Variants in DEGS1 observed in about 807,000 individuals in gnomAD.
DEGS1 encodes delta 4-desaturase, sphingolipid 1, also known as sphingolipid delta(4)-desaturase DES1.
In DEGS1, 17 loss-of-function variants were observed where a neutral mutation model predicts 24.1. The observed-to-expected ratio is 0.70, with a 90% CI of 0.48 to 1.06. DEGS1 has a LOEUF of 1.06. DEGS1 is among the 50% of genes least tolerant of loss of function. DEGS1 has a pLI of 0.00. For missense variants in DEGS1, 366 were observed against 408.9 expected, an observed-to-expected ratio of 0.90 and a Z score of 0.91; for synonymous variants, 134 against 140.0, an observed-to-expected ratio of 0.96 and a Z score of 0.30.
chr1:224,185,147 A>G (rs1407837675), intron 1 of DEGS1, among the ~76,000 whole-genome samples: 1 of 152,026 alleles, frequency 6.6e-6, no homozygotes, highest in African/African-American at 2.4e-5. Flanking sequence ...GCACACCACC[A>G]TGCCTGGTTG....
chr1:224,184,736 G>C (rs1296147931), intron 1 of DEGS1, among the ~76,000 whole-genome samples: 1 of 151,996 alleles, frequency 6.6e-6, no homozygotes, highest in Non-Finnish European at 1.5e-5. Context: ...GGCTTATCTC[G>C]AACTCCTGAC....
Position 224,192,612 on chromosome 1 carries a change from C to CA in DEGS1, c.*136dup. On this transcript the variant is annotated 3_prime_UTR_variant, in exon 3 of 3. Transcript: ENST00000323699. ...TTTCAGAGTAAGAGCTCGGTGATAC[C>CA]AAGAAGTGAATCTGGCTTTTAAACA... The CA allele has an allele frequency of 1.3e-6, 1 of 788,030 alleles. No individual in the cohort carries two copies. Among genetic ancestry groups the CA allele is most frequent in the Non-Finnish European group, 2.0e-6 (1 of 499,330 alleles). The allele number at this position is 788,030 out of a possible 1,614,324, so 48.8% of individuals were successfully genotyped here.
intron 1 of DEGS1, among the ~76,000 whole-genome samples, chr1:224,186,732 A>AG (rs1415368638): frequency 6.6e-6 from 1 of 151,460 alleles, no homozygotes; most frequent in East Asian, 1.9e-4. Context: ...AAAAAAAAAA[A>AG]AAGAAGGACT....
In DEGS1 at chr1:224,193,223, TG is replaced by T. The variant is rs1490027916; in HGVS notation, c.*748del. 6.6e-6 allele frequency: 1 copy of T among 152,208 alleles called. No individual in the cohort carries two copies. Among genetic ancestry groups the T allele is most frequent in the African/African-American group, 2.4e-5 (1 of 41,468 alleles). The allele number at this position is 152,208 out of a possible 1,614,324, so 9.4% of individuals were successfully genotyped here. On this transcript the variant is annotated 3_prime_UTR_variant, in exon 3 of 3. Transcript: ENST00000323699. Reference sequence around the variant, plus strand: ...CTTTATACTATATAATATGGTAACTTGGGTACCGGGGGAACTTTAAAATTTC... The same window carrying T: ...CTTTATACTATATAATATGGTAACTTGGTACCGGGGGAACTTTAAAATTTC...
chr1:224,191,293 G>A (rs1490376690), intron 2 of DEGS1: 2 of 151,840 alleles, frequency 1.3e-5, no homozygotes, highest in African/African-American at 2.4e-5. Context: ...GGGAGGCTGA[G>A]GCGGGAGAAT....
intron 1 of DEGS1, among the ~76,000 whole-genome samples, chr1:224,184,260 A>G (rs951928537): frequency 4.6e-5 from 7 of 152,208 alleles, no homozygotes; most frequent in Admixed American, 2.0e-4. Flanking sequence ...TGTGTTACAT[A>G]GAGAATGCTC....
chr1:224,192,209 A>G, intron 2 of DEGS1, 123 bp from the exon 3 acceptor site: 1 of 687,288 alleles, frequency 1.5e-6, no homozygotes, highest in South Asian at 2.3e-5. Context: ...TTTTTTTAAG[A>G]GAGAGGAGGG....
At chr1:224,186,479 T>C (rs1034958792) in intron 1 of DEGS1, among the ~76,000 whole-genome samples, 43 of 152,094 alleles carry the variant, frequency 2.8e-4, no homozygotes, top group Admixed American at 4.6e-4. Context: ...TTTAGGAGGC[T>C]AAGGTGGGCG....
intron 1 of DEGS1, 117 bp from the exon 2 acceptor site, chr1:224,189,460 G>A: frequency 1.4e-6 from 1 of 727,488 alleles, no homozygotes; most frequent in East Asian, 2.8e-5. Flanking sequence ...TCTAGTAAAG[G>A]GAATATGATT....
chr1:224,185,006 CT>C (rs1658343370), intron 1 of DEGS1, among the ~76,000 whole-genome samples: 1 of 93,726 alleles, frequency 1.1e-5, no homozygotes, highest in Middle Eastern at 4.8e-3. Flanking sequence ...CACACACACA[CT>C]TTTTTTAAAT....
intron 1 of DEGS1, among the ~76,000 whole-genome samples, chr1:224,188,548 G>T (rs964994877): frequency 3.3e-5 from 5 of 152,136 alleles, no homozygotes; most frequent in Admixed American, 3.3e-4. Flanking sequence ...TCATCCTAGT[G>T]AGTGTGAGGT....
At chr1:224,192,072 C>G (rs1425811776) in intron 2 of DEGS1, among the ~76,000 whole-genome samples, 2 of 151,958 alleles carry the variant, frequency 1.3e-5, no homozygotes, top group African/African-American at 4.8e-5. Flanking sequence ...ACAAATAAGC[C>G]AGATATTTAG....
intron 1 of DEGS1, 128 bp downstream of exon 1, chr1:224,183,546 C>T: frequency 1.5e-6 from 1 of 676,914 alleles, no homozygotes; most frequent in Non-Finnish European, 2.0e-6. Context: ...CCCGTCGCGT[C>T]CCGTCGCCGC....
intron 1 of DEGS1, among the ~76,000 whole-genome samples, chr1:224,184,729 T>G (rs1347966810): frequency 1.3e-5 from 2 of 152,140 alleles, no homozygotes; most frequent in Non-Finnish European, 2.9e-5. Context: ...TTGGCCAGGC[T>G]TATCTCGAAC....
At chr1:224,188,003 C>T (rs1027971052) in intron 1 of DEGS1, among the ~76,000 whole-genome samples, 3 of 151,194 alleles carry the variant, frequency 2.0e-5, no homozygotes, top group Admixed American at 2.0e-4. Flanking sequence ...TTATGTTGCC[C>T]AGGCTGATCT....
At chr1:224,191,836 A>T (rs1370770565) in intron 2 of DEGS1, among the ~76,000 whole-genome samples, 2 of 151,872 alleles carry the variant, frequency 1.3e-5, no homozygotes, top group East Asian at 3.9e-4. Context: ...ACCTCAGGTG[A>T]TCCACCCGCC....
At chr1:224,189,503 G>A (rs1029252953) in intron 1 of DEGS1, 74 bp from the exon 2 acceptor site, 2 of 1,126,028 alleles carry the variant, frequency 1.8e-6, no homozygotes, top group East Asian at 4.8e-5. Context: ...AGTTTAATTG[G>A]TGTTAATTTA....
At chr1:224,191,876 T>C (rs971674943) in intron 2 of DEGS1, among the ~76,000 whole-genome samples, 2 of 152,010 alleles carry the variant, frequency 1.3e-5, no homozygotes, top group African/African-American at 4.8e-5. Context: ...GGATTACAGG[T>C]ATGAGCCACC....
chr1:224,186,951 G>C (rs1658410728), intron 1 of DEGS1, among the ~76,000 whole-genome samples: 1 of 152,048 alleles, frequency 6.6e-6, no homozygotes, highest in Non-Finnish European at 1.5e-5. Context: ...ACCAACAATT[G>C]TACACTTTAA....
Sources: gnomAD v4.1 joint callset for allele counts (sites outside exome capture counted in the v4.1 genomes callset) on GRCh38, gnomAD v4.1.1 for gene constraint, MANE v1.5 for transcripts, NCBI Gene and HGNC (gene_info 2026-07-23, HGNC 2026-07-21) for gene names.